Variants in BLM observed in about 807,000 individuals in gnomAD.
The protein encoded by BLM is BLM RecQ like helicase.
BLM carries 95 observed loss-of-function variants against 135.3 expected under a neutral mutation model. The ratio of observed to expected loss-of-function variants is 0.70; its 90% CI spans 0.59 to 0.83. BLM has a LOEUF of 0.83. Ranked by LOEUF, BLM falls within the 40% of genes least tolerant of loss-of-function variation. The probability of loss-of-function intolerance (pLI) is 0.00; values close to 1 mark genes in which losing one functional copy is unlikely to be tolerated. For synonymous variants in BLM, 520 were observed against 589.2 expected (o/e 0.88, Z 1.70); for missense variants, 1,518 against 1,663.9 (o/e 0.91, Z 1.53).
At position 90,754,817 on chromosome 15, in the gene BLM, A is replaced by C; in HGVS notation, c.966A>C (p.Leu322Phe). 1 of 1,613,756 alleles carries C rather than the reference A, an allele frequency of 6.2e-7. No individual in the cohort carries two copies. Among genetic ancestry groups the C allele is most frequent in the African/African-American group, 1.3e-5 (1 of 75,052 alleles). The change falls in exon 5 of 22, where the codon TTA (leucine) becomes TTC (phenylalanine). Residue 322 changes from leucine to phenylalanine, a missense_variant. Physicochemically the swap from Leu to Phe is conservative, Grantham distance 22 (BLOSUM62 0). This residue lies in a region of BLM where 724 missense variants were observed against 756.9 expected (regional missense o/e 0.96). Coordinates refer to ENST00000355112, the MANE Select transcript of BLM (RefSeq NM_000057.4). Reference protein sequence around the residue: ...SSSSSKCLSTLKDLDTSDRKE... With the variant: ...SSSSSKCLSTFKDLDTSDRKE... The stretch of plus-strand genomic sequence containing the variant: ...ACATTTTTTTTATTTGCAGTACGTT[A>C]AAGGACCTTGACACCTCTGACAGAA...
At chr15:90,788,324 C>G (rs1380892097) in intron 14 of BLM, among the ~76,000 whole-genome samples, 1 of 152,134 alleles carries the variant, frequency 6.6e-6, no homozygotes, top group African/African-American at 2.4e-5. Flanking sequence ...TCGTACCCAG[C>G]TCACTGTCAT....
At chr15:90,807,043 G>A (rs1035417062) in intron 19 of BLM, among the ~76,000 whole-genome samples, 2 of 152,124 alleles carry the variant, frequency 1.3e-5, no homozygotes, top group African/African-American at 4.8e-5. Context: ...CACATTCAAA[G>A]CCTGACTCTT....
rs28385058 is a variant in BLM, at chr15:90,783,156, C to A, written c.2662+228C>A. Reference sequence around the variant, plus strand: ...AAAATATATTAAATACTCCCTCCTACACACGTATATTATAACTTTTGGTTT... The same window carrying A: ...AAAATATATTAAATACTCCCTCCTAAACACGTATATTATAACTTTTGGTTT... On this transcript the variant is annotated intron_variant, in intron 13 of 21. Transcript: ENST00000355112. 2.6e-3 allele frequency among the ~76,000 whole-genome samples: 400 copies of A among 152,336 alleles called. 2 individuals are homozygous for A. The highest frequency in any genetic ancestry group is 8.9e-3 in the African/African-American group (372 of 41,582).
At chr15:90,805,146 C>CTT (rs11370705) in intron 19 of BLM, among the ~76,000 whole-genome samples, 1,639 of 149,546 alleles carry the variant, frequency 0.011, 35 homozygotes, top group African/African-American at 0.036. Context: ...GAAACTTATT[C>CTT]TTTTTTTTTT....
At chr15:90,804,108 C>T in intron 18 of BLM, 59 bp from the exon 19 acceptor site, 1 of 1,487,592 alleles carries the variant, frequency 6.7e-7, no homozygotes, top group African/African-American at 1.4e-5. Context: ...AAATAAAGCC[C>T]CTGTATGGGT....
chr15:90,730,366 G>A (rs778507830), intron 1 of BLM, among the ~76,000 whole-genome samples: 1 of 152,102 alleles, frequency 6.6e-6, no homozygotes, highest in Non-Finnish European at 1.5e-5. Context: ...AAAAAGAAAA[G>A]TTTCCTAAAC....
Position 90,771,178 on chromosome 15 carries a change from T to C in BLM, c.2555+1592T>C, listed in dbSNP as rs369496121. Among the ~76,000 whole-genome samples, 12 of 152,338 alleles carry C rather than the reference T, an allele frequency of 7.9e-5. No homozygotes were observed. In the East Asian group the frequency reaches 1.2e-3, roughly 15 times the overall value. On this transcript the variant is annotated intron_variant, in intron 12 of 21. Transcript: ENST00000355112. ...TTGCGTCTATAATTGATATGCATTA[T>C]AATGCTATATTTAAGATGTCGTATT...
Position 90,749,754 on chromosome 15 carries a change from T to C in BLM, c.486T>C (p.Thr162=), listed in dbSNP as rs1596218608. 4 of 1,613,644 alleles carry C rather than the reference T, an allele frequency of 2.5e-6. No homozygotes were observed. The East Asian group carries it at 6.7e-5, about 27-fold the overall frequency. Reference sequence around the variant, plus strand: ...GGGATGATATGGATGACTTTGATACTTCTGAGACTTCAAAATCATTTGTTA... The same window carrying C: ...GGGATGATATGGATGACTTTGATACCTCTGAGACTTCAAAATCATTTGTTA... The part of the protein sequence containing the change: ...NDWDDMDDFD[T]SETSKSFVTP... Residue 162 remains threonine (T), a synonymous_variant, in exon 3 of 22, where the codon ACT becomes ACC. Coordinates refer to ENST00000355112, the MANE Select transcript of BLM (RefSeq NM_000057.4).
intron 21 of BLM, among the ~76,000 whole-genome samples, chr15:90,811,953 C>A (rs1474424716): frequency 6.6e-6 from 1 of 152,224 alleles, no homozygotes; most frequent in African/African-American, 2.4e-5. Flanking sequence ...CCACCGCACT[C>A]AGCCTGACTA....
chr15:90,769,575 C>T lies in BLM; in HGVS notation c.2544C>T (p.Leu848=). The change falls in exon 12 of 22, where the codon CTC becomes CTT. Residue 848 remains leucine, a synonymous_variant. Transcript: ENST00000355112. ...ACATCCTGACTCAGCTGAAGATTCTCAGACCTCAGGTGTAAGTTGTTGCAC... is the reference window on the plus strand; with the variant it reads ...ACATCCTGACTCAGCTGAAGATTCTTAGACCTCAGGTGTAAGTTGTTGCAC... ...QKDILTQLKI[L]RPQVFSMSFN... 1 of 1,613,940 alleles carries T rather than the reference C, an allele frequency of 6.2e-7. No individual in the cohort carries two copies. Among genetic ancestry groups the T allele is most frequent in the Non-Finnish European group, 8.5e-7 (1 of 1,179,892 alleles).
At chr15:90,767,309 C>T (rs1896161688) in intron 10 of BLM, among the ~76,000 whole-genome samples, 1 of 152,146 alleles carries the variant, frequency 6.6e-6, no homozygotes, top group Non-Finnish European at 1.5e-5. Context: ...AACCTCAGTA[C>T]AATGATCAAA....
At chr15:90,769,372 A>G in intron 11 of BLM, 66 bp from the exon 12 acceptor site, 1 of 1,589,278 alleles carries the variant, frequency 6.3e-7, no homozygotes, top group Non-Finnish European at 8.6e-7. Context: ...TACATTGAGC[A>G]GTGTTGGCTT....
At chr15:90,790,869 C>T (rs1896890961) in intron 15 of BLM, 25 bp downstream of exon 15, 2 of 1,595,188 alleles carry the variant, frequency 1.3e-6, no homozygotes, top group African/African-American at 2.7e-5. Flanking sequence ...ATTGTAGAGA[C>T]ATTCTGTCAT....
chr15:90,802,737 G>A (rs1012169124), intron 17 of BLM, among the ~76,000 whole-genome samples: 2 of 152,116 alleles, frequency 1.3e-5, no homozygotes, highest in East Asian at 3.8e-4. Flanking sequence ...GAGGCCAGGA[G>A]TTAGAGACCA....
At chr15:90,748,267 C>T (rs1038974855) in intron 2 of BLM, among the ~76,000 whole-genome samples, 84 of 152,140 alleles carry the variant, frequency 5.5e-4, no homozygotes, top group South Asian at 3.5e-3. Flanking sequence ...CACCACCATG[C>T]CTGGCTAATT....
At chr15:90,739,887 C>T (rs1895319245) in intron 1 of BLM, among the ~76,000 whole-genome samples, 1 of 152,082 alleles carries the variant, frequency 6.6e-6, no homozygotes, top group African/African-American at 2.4e-5. Flanking sequence ...CCTCAGCTTC[C>T]CAAGTAGCTG....
chr15:90,793,138 CTT>C (rs572226744), intron 15 of BLM, among the ~76,000 whole-genome samples: 16 of 141,826 alleles, frequency 1.1e-4, no homozygotes, highest in South Asian at 2.2e-4. Flanking sequence ...AAATTATTTT[CTT>C]TTTTTTTTTT....
At chr15:90,783,687 G>A (rs1169069066) in intron 13 of BLM, among the ~76,000 whole-genome samples, 1 of 152,148 alleles carries the variant, frequency 6.6e-6, no homozygotes, top group African/African-American at 2.4e-5. Context: ...ATCACTTGAG[G>A]TCAGGATTTC....
chr15:90,782,942 T>C lies in BLM; in HGVS notation c.2662+14T>C. ...AGCACCACCCATGTGAGTACAGCCA[T>C]GTGATTAGCTGTCTAGAAGTAACAA... is the stretch of plus-strand genomic sequence containing the variant. On this transcript the variant is annotated intron_variant, in intron 13 of 21. Transcript: ENST00000355112. The C allele has an allele frequency of 1.3e-6, 2 of 1,561,482 alleles. No individual in the cohort carries two copies. Among genetic ancestry groups the C allele is most frequent in the South Asian group, 1.1e-5 (1 of 89,884 alleles).
Sources: allele counts gnomAD v4.1 joint callset (sites outside exome capture counted in the v4.1 genomes callset), GRCh38; gene constraint gnomAD v4.1.1; regional missense constraint gnomAD v4.1.1; transcripts MANE v1.5; gene names NCBI Gene and HGNC (gene_info 2026-07-23, HGNC 2026-07-21).